The following IL23A variants were observed in gnomAD, a reference collection of about 807,000 sequenced individuals.
The protein encoded by IL23A is interleukin 23 subunit alpha.
IL23A carries 16 observed loss-of-function variants against 20.7 expected under a neutral mutation model. The observed-to-expected ratio is 0.77, with a 90% CI of 0.52 to 1.17. The LOEUF (loss-of-function observed/expected upper bound fraction) is 1.17. Ranked by LOEUF, IL23A falls within the 50% of genes most tolerant of loss-of-function variation. IL23A has a pLI of 0.00. For missense variants in IL23A, 175 were observed against 229.5 expected (o/e 0.76, Z 1.53); for synonymous variants, 80 against 88.7 (o/e 0.90, Z 0.55).
Position 56,339,213 on chromosome 12 carries a change from G to A in IL23A, c.162+7G>A. 2.0e-6 allele frequency: 3 copies of A among 1,531,438 alleles called. No homozygotes were observed. The highest frequency in any genetic ancestry group is 2.6e-6 in the Non-Finnish European group (3 of 1,139,306). 94.9% of individuals were successfully genotyped at this position (1,531,438 alleles called of 1,614,324 possible). A position where few individuals can be genotyped will look rare whatever the true frequency, so the allele number is the denominator to read the frequency against. ...TCCACTAGTGGGACACATGGTGAGT[G>A]GCAGCCCCTGGAGCCTAACAGGAGT... is the stretch of plus-strand genomic sequence containing the variant. On this transcript the variant is annotated splice_region_variant and intron_variant, in intron 1 of 3. Coordinates refer to ENST00000228534, the MANE Select transcript of IL23A (RefSeq NM_016584.3).
chr12:56,339,842 G>A lies in IL23A; in HGVS notation c.408+5G>A. 6.2e-7 allele frequency: 1 copy of A among 1,611,960 alleles called. No homozygotes were observed. The highest frequency in any genetic ancestry group is 1.1e-5 in the South Asian group (1 of 90,924). ...GGCCTCAGCCAACTCCTGCAGGTAT[G>A]AAGTAGGGGCGTGGAGGATGGGGGC... On this transcript the variant is annotated splice_donor_5th_base_variant and intron_variant, in intron 3 of 3. Coordinates refer to ENST00000228534, the MANE Select transcript of IL23A (RefSeq NM_016584.3).
chr12:56,340,005 G>C lies in IL23A; in HGVS notation c.471G>C (p.Gln157His), dbSNP rs201069476. 1 of 1,614,190 alleles carries C rather than the reference G, an allele frequency of 6.2e-7. No homozygotes were observed. The highest frequency in any genetic ancestry group is 8.5e-7 in the Non-Finnish European group (1 of 1,180,022). ...IPSLSPSQPW[Q>H]RLLLRFKILR... is the part of the protein sequence containing the mutation. ...GCCTCAGTCCCAGCCAGCCATGGCA[G>C]CGTCTCCTTCTCCGCTTCAAAATCC... The change falls in exon 4 of 4, where the codon CAG becomes CAC. Residue 157 changes from glutamine (Q) to histidine (H), a missense_variant. By Grantham distance (24) the Gln-to-His change is conservative. Coordinates refer to ENST00000228534, the MANE Select transcript of IL23A (RefSeq NM_016584.3).
chr12:56,339,409 C>T lies in IL23A; in HGVS notation c.163-17C>T, dbSNP rs1187405001. The T allele has an allele frequency of 7.7e-6, 12 of 1,565,584 alleles. No individual in the cohort carries two copies. In the South Asian group the frequency reaches 1.2e-4, roughly 16 times the overall value. On this transcript the variant is annotated splice_polypyrimidine_tract_variant and intron_variant, in intron 1 of 3. Transcript: ENST00000228534. ...TATCTTACTTCTTCATTCTTTCCAC[C>T]TCTTCCTTCATTCCAGGATCTAAGA...
chr12:56,338,889 G>A lies in IL23A; in HGVS notation c.-156G>A, dbSNP rs1004438267. 7 of 476,178 alleles carry A rather than the reference G, an allele frequency of 1.5e-5. No individual in the cohort carries two copies. Among genetic ancestry groups the A allele is most frequent in the African/African-American group, 4.0e-5 (2 of 50,064 alleles). The allele number at this position is 476,178 out of a possible 1,614,324, so 29.5% of individuals were successfully genotyped here. A position where few individuals can be genotyped will look rare whatever the true frequency, so the allele number is the denominator to read the frequency against. The stretch of plus-strand genomic sequence containing the variant: ...AGAGACAAAGGGAGAAAAACAACAG[G>A]AAGCAGCTTACAAACTCGGTGAACA... On this transcript the variant is annotated 5_prime_UTR_variant, in exon 1 of 4. Coordinates refer to ENST00000228534, the MANE Select transcript of IL23A (RefSeq NM_016584.3).
Position 56,339,779 on chromosome 12 carries a change from C to T in IL23A, c.350C>T (p.Pro117Leu), listed in dbSNP as rs779330106. The T allele has an allele frequency of 2.2e-5, 36 of 1,613,928 alleles. No homozygotes were observed. Among genetic ancestry groups the T allele is most frequent in the Non-Finnish European group, 2.9e-5 (34 of 1,179,986 alleles). ...DIFTGEPSLL[P>L]DSPVGQLHAS... ...TTCACAGGGGAGCCTTCTCTGCTCC[C>T]TGATAGCCCTGTGGGCCAGCTTCAT... Residue 117 changes from proline to leucine, a missense_variant, in exon 3 of 4, where the codon CCT (proline) becomes CTT (leucine). Pro to Leu is a moderately conservative substitution (Grantham distance 98, BLOSUM62 -3). Coordinates refer to ENST00000228534, the MANE Select transcript of IL23A (RefSeq NM_016584.3).
In IL23A at chr12:56,339,064, T is replaced by C; in HGVS notation, c.20T>C (p.Val7Ala). 1 of 1,437,634 alleles carries C rather than the reference T, an allele frequency of 7.0e-7. No homozygotes were observed. Among genetic ancestry groups the C allele is most frequent in the South Asian group, 1.7e-5 (1 of 59,230 alleles). 89.1% of individuals were successfully genotyped at this position (1,437,634 alleles called of 1,614,324 possible). ...AAAAAGATGCTGGGGAGCAGAGCTG[T>C]AATGCTGCTGTTGCTGCTGCCCTGG... MLGSRAVMLLLLLPWTA... is the reference protein window; with the variant it reads MLGSRAAMLLLLLPWTA... Residue 7 changes from valine (V) to alanine (A), a missense_variant, in exon 1 of 4, where the codon GTA (valine) becomes GCA (alanine). Val to Ala is a moderately conservative substitution (Grantham distance 64, BLOSUM62 0). Coordinates refer to ENST00000228534, the MANE Select transcript of IL23A (RefSeq NM_016584.3).
At chr12:56,339,353 G>T in intron 1 of IL23A, 73 bp from the exon 2 acceptor site, 1 of 1,381,128 alleles carries the variant, frequency 7.2e-7, no homozygotes, top group Non-Finnish European at 1.0e-6. Flanking sequence ...AGAGTCATGG[G>T]CCTGAGGGTC....
chr12:56,339,171 C>A lies in IL23A; in HGVS notation c.127C>A (p.Leu43Met). The A allele has an allele frequency of 6.4e-7, 1 of 1,566,908 alleles. No individual in the cohort carries two copies. The highest frequency in any genetic ancestry group is 8.7e-7 in the Non-Finnish European group (1 of 1,155,022). Reference protein sequence around the residue: ...CQQLSQKLCTLAWSAHPLVGH... With the variant: ...CQQLSQKLCTMAWSAHPLVGH... ...GCAGCTTTCACAGAAGCTCTGCACACTGGCCTGGAGTGCACATCCACTAGT... is the reference window on the plus strand; with the variant it reads ...GCAGCTTTCACAGAAGCTCTGCACAATGGCCTGGAGTGCACATCCACTAGT... Residue 43 changes from leucine to methionine, a missense_variant, in exon 1 of 4, where the codon CTG becomes ATG. Leu to Met is a conservative substitution (Grantham distance 15). Transcript: ENST00000228534.
Position 56,339,106 on chromosome 12 carries a change from C to T in IL23A, c.62C>T (p.Ala21Val). The T allele has an allele frequency of 6.4e-7, 1 of 1,571,520 alleles. No individual in the cohort carries two copies. ...LLLPWTAQGR[A>V]VPGGSSPAWT... ...CTGCCCTGGACAGCTCAGGGCAGAG[C>T]TGTGCCTGGGGGCAGCAGCCCTGCC... The change falls in exon 1 of 4, where the codon GCT (alanine) becomes GTT (valine). Residue 21 changes from alanine (A) to valine (V), a missense_variant. Physicochemically the swap from Ala to Val is moderately conservative, Grantham distance 64. Transcript: ENST00000228534.
chr12:56,339,206 G>T lies in IL23A; in HGVS notation c.162G>T (p.Met54Ile). The T allele has an allele frequency of 6.5e-7, 1 of 1,533,648 alleles. No homozygotes were observed. ...AWSAHPLVGHMDLREEGDEET... is the reference protein window; with the variant it reads ...AWSAHPLVGHIDLREEGDEET... ...GTGCACATCCACTAGTGGGACACATGGTGAGTGGCAGCCCCTGGAGCCTAA... is the reference window on the plus strand; with the variant it reads ...GTGCACATCCACTAGTGGGACACATTGTGAGTGGCAGCCCCTGGAGCCTAA... The change falls in exon 1 of 4, where the codon ATG becomes ATT. Residue 54 changes from methionine to isoleucine, a missense_variant and splice_region_variant. Met to Ile is a conservative substitution (Grantham distance 10, BLOSUM62 1). Coordinates refer to ENST00000228534, the MANE Select transcript of IL23A (RefSeq NM_016584.3).
In IL23A at chr12:56,340,277, A is replaced by G. The variant is rs1430117848; in HGVS notation, c.*173A>G. 3.1e-6 allele frequency: 2 copies of G among 651,058 alleles called. No homozygotes were observed. 40.3% of individuals were successfully genotyped at this position (651,058 alleles called of 1,614,324 possible). The stretch of plus-strand genomic sequence containing the variant: ...TGACATGTGATGCTGACCTATGATA[A>G]GGTTGAGTATTTATTAGATGGGAAG... On this transcript the variant is annotated 3_prime_UTR_variant, in exon 4 of 4. Coordinates refer to ENST00000228534, the MANE Select transcript of IL23A (RefSeq NM_016584.3).
chr12:56,340,261 A>C lies in IL23A; in HGVS notation c.*157A>C, dbSNP rs1045153564. 2.9e-6 allele frequency: 2 copies of C among 694,276 alleles called. No individual in the cohort carries two copies. The highest frequency in any genetic ancestry group is 3.6e-5 in the African/African-American group (2 of 55,556). 43.0% of individuals were successfully genotyped at this position (694,276 alleles called of 1,614,324 possible). A position where few individuals can be genotyped will look rare whatever the true frequency, so the allele number is the denominator to read the frequency against. On this transcript the variant is annotated 3_prime_UTR_variant, in exon 4 of 4. Coordinates refer to ENST00000228534, the MANE Select transcript of IL23A (RefSeq NM_016584.3). ...AATTACCAATACTGACTGACATGTG[A>C]TGCTGACCTATGATAAGGTTGAGTA... is the stretch of plus-strand genomic sequence containing the variant.
rs746078083 is a variant in IL23A at position 56,340,071 on chromosome 12, C to G, written c.537C>G (p.Val179=). 10 of 1,614,222 alleles carry G rather than the reference C, an allele frequency of 6.2e-6. No homozygotes were observed. In the East Asian group the frequency reaches 2.0e-4, roughly 32 times the overall value. ...LQAFVAVAAR[V]FAHGAATLSP Reference sequence around the variant, plus strand: ...CCTTTGTGGCTGTAGCCGCCCGGGTCTTTGCCCATGGAGCAGCAACCCTGA... The same window carrying G: ...CCTTTGTGGCTGTAGCCGCCCGGGTGTTTGCCCATGGAGCAGCAACCCTGA... The change falls in exon 4 of 4, where the codon GTC becomes GTG. Residue 179 remains valine (V), a synonymous_variant. Coordinates refer to ENST00000228534, the MANE Select transcript of IL23A (RefSeq NM_016584.3).
At position 56,339,208 on chromosome 12, in the gene IL23A, T is replaced by C; in HGVS notation, c.162+2T>C. 6.5e-7 allele frequency: 1 copy of C among 1,531,448 alleles called. No homozygotes were observed. The highest frequency in any genetic ancestry group is 8.8e-7 in the Non-Finnish European group (1 of 1,138,914). The allele number at this position is 1,531,448 out of a possible 1,614,324, so 94.9% of individuals were successfully genotyped here. A position where few individuals can be genotyped will look rare whatever the true frequency, so the allele number is the denominator to read the frequency against. On this transcript the variant is annotated splice_donor_variant, in intron 1 of 3. Transcript: ENST00000228534. LOFTEE classifies it high-confidence loss of function. Reference sequence around the variant, plus strand: ...GCACATCCACTAGTGGGACACATGGTGAGTGGCAGCCCCTGGAGCCTAACA... The same window carrying C: ...GCACATCCACTAGTGGGACACATGGCGAGTGGCAGCCCCTGGAGCCTAACA...
chr12:56,339,903 G>A (rs1450744147), intron 3 of IL23A, 40 bp from the exon 4 acceptor site: 25 of 1,612,868 alleles, frequency 1.6e-5, no homozygotes, highest in Non-Finnish European at 2.1e-5. Flanking sequence ...GGGGGTTAAG[G>A]GTTTAGAGTC....
chr12:56,339,682 T>C lies in IL23A; in HGVS notation c.262-9T>C. 6.2e-7 allele frequency: 1 copy of C among 1,611,748 alleles called. No homozygotes were observed. Among genetic ancestry groups the C allele is most frequent in the Non-Finnish European group, 8.5e-7 (1 of 1,178,906 alleles). ...GGTGTCCTCTTTCATTGCTTTCTTT[T>C]CTCCCTAGTTCTGCTTGCAAAGGAT... is the stretch of plus-strand genomic sequence containing the variant. On this transcript the variant is annotated splice_polypyrimidine_tract_variant and intron_variant, in intron 2 of 3. Transcript: ENST00000228534.
At chr12:56,339,911 G>A (rs202174307) in intron 3 of IL23A, 32 bp from the exon 4 acceptor site, 23 of 1,613,190 alleles carry the variant, frequency 1.4e-5, no homozygotes, top group Non-Finnish European at 1.8e-5. Context: ...AGGGTTTAGA[G>A]TCTTCTCTGA....
chr12:56,339,853 G>T lies in IL23A; in HGVS notation c.408+16G>T, dbSNP rs117084460. The T allele has an allele frequency of 1.9e-6, 3 of 1,610,914 alleles. No individual in the cohort carries two copies. The highest frequency in any genetic ancestry group is 2.5e-6 in the Non-Finnish European group (3 of 1,178,016). On this transcript the variant is annotated intron_variant, in intron 3 of 3. Transcript: ENST00000228534. ...ACTCCTGCAGGTATGAAGTAGGGGC[G>T]TGGAGGATGGGGGCTTGCAGGTGTC...
chr12:56,340,190 C>T lies in IL23A; in HGVS notation c.*86C>T, dbSNP rs1876447731. 3.6e-6 allele frequency: 5 copies of T among 1,378,624 alleles called. No individual in the cohort carries two copies. Among genetic ancestry groups the T allele is most frequent in the Non-Finnish European group, 4.0e-6 (4 of 1,005,378 alleles). 85.4% of individuals were successfully genotyped at this position (1,378,624 alleles called of 1,614,324 possible). ...ACCACCCCAGGCACCTGTGAGCCAA[C>T]AGGTTAATTAGTCCATTAATTTTAG... On this transcript the variant is annotated 3_prime_UTR_variant, in exon 4 of 4. Coordinates refer to ENST00000228534, the MANE Select transcript of IL23A (RefSeq NM_016584.3).
Sources: allele counts gnomAD v4.1 joint callset, GRCh38; gene constraint gnomAD v4.1.1; transcripts MANE v1.5; gene names NCBI Gene and HGNC (gene_info 2026-07-23, HGNC 2026-07-21).